ROBO2: variants seen among roughly 807,000 people sequenced by gnomAD.
ROBO2 encodes the protein roundabout guidance receptor 2, also known as roundabout homolog 2.
In ROBO2, 53 loss-of-function variants were observed where a neutral mutation model predicts 160.8. That is an observed-to-expected ratio of 0.33 (90% CI 0.26 to 0.41). The LOEUF (loss-of-function observed/expected upper bound fraction) is 0.41. Among genes scored for constraint, ROBO2 ranks in the 10% least tolerant of loss-of-function variants. The probability of loss-of-function intolerance (pLI) is 1.00; values close to 1 mark genes in which losing one functional copy is unlikely to be tolerated. For missense variants in ROBO2, 1,577 were observed against 1,722.4 expected, an observed-to-expected ratio of 0.92 and a Z score of 1.49; for synonymous variants, 664 against 611.7, an observed-to-expected ratio of 1.09 and a Z score of -1.26.
intron 2 of ROBO2, among the ~76,000 whole-genome samples, chr3:77,310,346 T>G (rs1443285255): frequency 6.6e-5 from 10 of 152,148 alleles, no homozygotes; most frequent in Admixed American, 6.5e-4. Context: ...ATTGAGAACC[T>G]ATGAGAAATT....
intron 2 of ROBO2, among the ~76,000 whole-genome samples, chr3:77,021,508 G>A (rs1332731992): frequency 6.6e-6 from 1 of 152,114 alleles, no homozygotes; most frequent in Non-Finnish European, 1.5e-5. Flanking sequence ...GACCTACCTT[G>A]TCTGAAAGTA....
At chr3:77,183,638 G>T (rs2081009717) in intron 2 of ROBO2, among the ~76,000 whole-genome samples, 1 of 151,892 alleles carries the variant, frequency 6.6e-6, no homozygotes, top group Non-Finnish European at 1.5e-5. Flanking sequence ...TATTTCTTTT[G>T]TGTCGGCCAC....
chr3:77,324,596 G>A (rs933909995), intron 2 of ROBO2, among the ~76,000 whole-genome samples: 6 of 151,856 alleles, frequency 4.0e-5, no homozygotes, highest in African/African-American at 1.2e-4. Context: ...TGGCTAACAC[G>A]GTGAAACCCC....
At chr3:76,283,556 A>G (rs546932022) in intron 2 of ROBO2, among the ~76,000 whole-genome samples, 1 of 152,072 alleles carries the variant, frequency 6.6e-6, no homozygotes, top group East Asian at 1.9e-4. Context: ...ATCTAGCAAT[A>G]TAGAATAGCT....
At chr3:77,424,913 T>G (rs183747197) in intron 2 of ROBO2, among the ~76,000 whole-genome samples, 1 of 152,294 alleles carries the variant, frequency 6.6e-6, no homozygotes, top group Non-Finnish European at 1.5e-5. Flanking sequence ...TTTCTGTATT[T>G]GGTGTTGGCT....
intron 1 of ROBO2, among the ~76,000 whole-genome samples, chr3:77,071,490 C>A (rs528133336): frequency 3.3e-5 from 5 of 152,172 alleles, no homozygotes; most frequent in South Asian, 2.1e-4. Context: ...CTTCCCCATT[C>A]GCAAAACTCA....
rs114056831 is a variant in ROBO2 at position 76,710,598 on chromosome 3, A to G, written c.110-387416A>G. ...TTGGAGTTATGGAGACAGAAGTCAG[A>G]ATACAGCAGGTTGAGAAGTAACTCG... is the stretch of plus-strand genomic sequence containing the variant. On this transcript the variant is annotated intron_variant, in intron 2 of 26. Coordinates refer to the ROBO2 transcript ENST00000487694. Among the ~76,000 whole-genome samples, 403 of 152,298 alleles carry G rather than the reference A, an allele frequency of 2.6e-3. 2 individuals carry two copies. The highest frequency in any genetic ancestry group is 9.3e-3 in the African/African-American group (387 of 41,566).
chr3:76,901,276 C>T (rs1188893961), intron 2 of ROBO2, among the ~76,000 whole-genome samples: 4 of 151,812 alleles, frequency 2.6e-5, no homozygotes, highest in Non-Finnish European at 5.9e-5. Flanking sequence ...TTATTTTTCC[C>T]CTCTTGCATT....
chr3:77,032,713 G>A (rs906449655), intron 2 of ROBO2, among the ~76,000 whole-genome samples: 1 of 152,136 alleles, frequency 6.6e-6, no homozygotes, highest in African/African-American at 2.4e-5. Flanking sequence ...GAGATGTTCT[G>A]AGTCTGCTTA....
At chr3:76,412,313 G>A (rs2075531866) in intron 2 of ROBO2, among the ~76,000 whole-genome samples, 1 of 152,166 alleles carries the variant, frequency 6.6e-6, no homozygotes, top group Non-Finnish European at 1.5e-5. Flanking sequence ...TGGAAACACA[G>A]CCAAACCATA....
intron 2 of ROBO2, among the ~76,000 whole-genome samples, chr3:76,986,316 T>C (rs2060378226): frequency 6.6e-6 from 1 of 152,154 alleles, no homozygotes; most frequent in Non-Finnish European, 1.5e-5. Context: ...AGGAGTTACC[T>C]CTGCTTTAAA....
chr3:77,219,491 A>G (rs1408705928), intron 2 of ROBO2, among the ~76,000 whole-genome samples: 10 of 113,422 alleles, frequency 8.8e-5, no homozygotes, highest in East Asian at 4.5e-4. Context: ...TATAATCTGT[A>G]TATATATATA....
At chr3:76,244,938 A>G (rs1426024324) in intron 2 of ROBO2, among the ~76,000 whole-genome samples, 1 of 152,176 alleles carries the variant, frequency 6.6e-6, no homozygotes, top group African/African-American at 2.4e-5. Flanking sequence ...CATCCTTTTT[A>G]TGGAATTCTT....
chr3:76,408,071 T>C (rs1018876168), intron 2 of ROBO2, among the ~76,000 whole-genome samples: 1 of 152,002 alleles, frequency 6.6e-6, no homozygotes, highest in Non-Finnish European at 1.5e-5. Flanking sequence ...TGTTATAAAA[T>C]GAATAAAATA....
intron 2 of ROBO2, among the ~76,000 whole-genome samples, chr3:77,476,681 G>T (rs186692091): frequency 6.4e-4 from 97 of 152,254 alleles, no homozygotes; most frequent in Middle Eastern, 3.4e-3. Flanking sequence ...GACATTTGGA[G>T]AGGCAGGCAT....
At chr3:76,534,562 T>C (rs2082393962) in intron 2 of ROBO2, among the ~76,000 whole-genome samples, 3 of 152,114 alleles carry the variant, frequency 2.0e-5, no homozygotes, top group Middle Eastern at 3.2e-3. Context: ...AAATAATCTT[T>C]GTCTCCTGGA....
At chr3:77,601,959 A>G (rs1293171462) in intron 19 of ROBO2, among the ~76,000 whole-genome samples, 1 of 152,164 alleles carries the variant, frequency 6.6e-6, no homozygotes, top group Non-Finnish European at 1.5e-5. Context: ...CGTCTCATTC[A>G]TGGTTAAAGA....
At chr3:76,956,083 A>T (rs557730250) in intron 2 of ROBO2, among the ~76,000 whole-genome samples, 2 of 152,150 alleles carry the variant, frequency 1.3e-5, no homozygotes, top group African/African-American at 4.8e-5. Flanking sequence ...CGCCCTCCAG[A>T]CTTAAATGTT....
intron 2 of ROBO2, among the ~76,000 whole-genome samples, chr3:76,920,771 T>C (rs934530847): frequency 6.6e-6 from 1 of 152,228 alleles, no homozygotes; most frequent in Non-Finnish European, 1.5e-5. Flanking sequence ...TTGAAACTTT[T>C]GACAAGAAGA....
Sources: allele counts gnomAD v4.1 joint callset (sites outside exome capture counted in the v4.1 genomes callset), GRCh38; gene constraint gnomAD v4.1.1; transcripts MANE v1.5; gene names NCBI Gene and HGNC (gene_info 2026-07-23, HGNC 2026-07-21).